Variants in ROBO1 observed in about 807,000 individuals in gnomAD.
The protein encoded by ROBO1 is roundabout homolog 1.
In ROBO1, 149 loss-of-function variants were observed where a neutral mutation model predicts 195.9. The ratio of observed to expected loss-of-function variants is 0.76; its 90% CI spans 0.67 to 0.87. ROBO1 has a LOEUF of 0.87. Among genes scored for constraint, ROBO1 ranks in the 40% least tolerant of loss-of-function variants. ROBO1 has a pLI of 0.00. For missense variants in ROBO1, 1,933 were observed against 2,068.3 expected (o/e 0.93, Z 1.27); for synonymous variants, 816 against 733.2 (o/e 1.11, Z -1.82).
chr3:79,599,539 G>A (rs554297550), intron 1 of ROBO1, among the ~76,000 whole-genome samples: 1 of 152,030 alleles, frequency 6.6e-6, no homozygotes, highest in African/African-American at 2.4e-5. Context: ...ATAAACACTA[G>A]TTTCTCTAGT....
At chr3:78,841,147 C>T (rs1213743463) in intron 4 of ROBO1, among the ~76,000 whole-genome samples, 1 of 151,212 alleles carries the variant, frequency 6.6e-6, no homozygotes, top group Non-Finnish European at 1.5e-5. Context: ...AAATAATATA[C>T]ACTAATAACA....
rs574871230 is a variant in ROBO1, at chr3:79,743,436, T to C, written c.-51+24316A>G. On this transcript the variant is annotated intron_variant, in intron 1 of 30. Coordinates refer to ENST00000464233, the MANE Select transcript of ROBO1 (RefSeq NM_002941.4). ...TGGAGTTACAAGACTGAATTTGCTC[T>C]GAATGAGCCAGTGAGTGACTGGTGA... Among the ~76,000 whole-genome samples the C allele has an allele frequency of 2.6e-5, 4 of 152,332 alleles. No individual in the cohort carries two copies. The East Asian group carries it at 7.7e-4, about 29-fold the overall frequency.
At chr3:79,120,525 A>C (rs577196307) in intron 3 of ROBO1, among the ~76,000 whole-genome samples, 57 of 152,274 alleles carry the variant, frequency 3.7e-4, no homozygotes, top group African/African-American at 1.3e-3. Context: ...GCTTCTTTTA[A>C]TTAGTGAAGA....
intron 2 of ROBO1, among the ~76,000 whole-genome samples, chr3:79,404,980 T>C (rs762313138): frequency 6.6e-6 from 1 of 152,052 alleles, no homozygotes; most frequent in Non-Finnish European, 1.5e-5. Context: ...AAAATAATGG[T>C]TTTTAATATA....
At chr3:78,902,017 A>G (rs2037621562) in intron 4 of ROBO1, among the ~76,000 whole-genome samples, 1 of 152,154 alleles carries the variant, frequency 6.6e-6, no homozygotes, top group African/African-American at 2.4e-5. Flanking sequence ...ATCCATCTCA[A>G]CCTCTGGAGT....
intron 1 of ROBO1, among the ~76,000 whole-genome samples, chr3:79,760,331 A>G (rs1284995924): frequency 1.3e-5 from 2 of 148,410 alleles, no homozygotes; most frequent in South Asian, 4.3e-4. Context: ...CACCATAAAG[A>G]TTGGTTTCCC....
chr3:79,703,563 A>G (rs62257289), intron 1 of ROBO1, among the ~76,000 whole-genome samples: 2,080 of 152,078 alleles, frequency 0.014, 32 homozygotes, highest in Non-Finnish European at 0.019. Flanking sequence ...ACAATTCATT[A>G]CAATAAAAAT....
intron 1 of ROBO1, among the ~76,000 whole-genome samples, chr3:79,731,867 G>GT (rs1375663623): frequency 4.6e-5 from 7 of 151,918 alleles, no homozygotes; most frequent in Middle Eastern, 3.2e-3. Context: ...GGTGAAATAA[G>GT]TTTTTTTTAT....
chr3:79,263,923 CCTT>C (rs1207460065), intron 2 of ROBO1, among the ~76,000 whole-genome samples: 3 of 152,038 alleles, frequency 2.0e-5, no homozygotes, highest in African/African-American at 4.8e-5. Flanking sequence ...TTCTTTGACT[CCTT>C]CTATCCGATT....
In ROBO1 at chr3:78,635,935, T is replaced by C; in HGVS notation, c.3211A>G (p.Thr1071Ala). Reference sequence around the variant, plus strand: ...ATGAGCTGAGTGGTGGCGTAAGGAGTAGGCTGCCCTGATGGATTGACAAAA... The same window carrying C: ...ATGAGCTGAGTGGTGGCGTAAGGAGCAGGCTGCCCTGATGGATTGACAAAA... ...GRFVNPSGQP[T>A]PYATTQLIQS... The change falls in exon 23 of 31, where the codon ACT becomes GCT. Residue 1071 changes from threonine (T) to alanine (A), a missense_variant. Thr to Ala is a moderately conservative substitution (Grantham distance 58). This residue lies in a region of ROBO1 where 1,737 missense variants were observed against 1,882.5 expected (regional missense o/e 0.92). Transcript: ENST00000464233. 1 of 1,613,852 alleles carries C rather than the reference T, an allele frequency of 6.2e-7. No individual in the cohort carries two copies. The highest frequency in any genetic ancestry group is 8.5e-7 in the Non-Finnish European group (1 of 1,179,834).
At chr3:78,666,867 A>G (rs1385484119) in intron 14 of ROBO1, among the ~76,000 whole-genome samples, 2 of 152,188 alleles carry the variant, frequency 1.3e-5, no homozygotes, top group African/African-American at 4.8e-5. Flanking sequence ...TTTCTATTAA[A>G]ATAACCAAGT....
intron 2 of ROBO1, among the ~76,000 whole-genome samples, chr3:79,262,834 C>A (rs1185344364): frequency 6.6e-6 from 1 of 152,018 alleles, no homozygotes; most frequent in Non-Finnish European, 1.5e-5. Context: ...TGTGCTCATA[C>A]AAATTTCATT....
chr3:78,958,744 C>A (rs1441949305), intron 3 of ROBO1, among the ~76,000 whole-genome samples: 2 of 151,994 alleles, frequency 1.3e-5, no homozygotes, highest in Non-Finnish European at 2.9e-5. Context: ...TAACCAGGAT[C>A]ATCCCAGTTT....
chr3:78,948,752 T>C (rs577776532), intron 3 of ROBO1, among the ~76,000 whole-genome samples: 2 of 152,340 alleles, frequency 1.3e-5, no homozygotes, highest in East Asian at 1.9e-4. Context: ...CATGATTGTA[T>C]ATCTAGAAAA....
intron 2 of ROBO1, among the ~76,000 whole-genome samples, chr3:79,529,670 A>G (rs1010965907): frequency 6.6e-6 from 1 of 152,142 alleles, no homozygotes. Context: ...GGAATAAGGG[A>G]CGATTCACAA....
intron 5 of ROBO1, among the ~76,000 whole-genome samples, chr3:78,726,855 C>T (rs183800914): frequency 4.3e-4 from 66 of 152,204 alleles, no homozygotes; most frequent in African/African-American, 1.4e-3. Flanking sequence ...ACAACAATAA[C>T]GGCTTTTCTT....
intron 3 of ROBO1, among the ~76,000 whole-genome samples, chr3:78,948,025 T>A (rs1334314123): frequency 2.0e-5 from 3 of 152,148 alleles, no homozygotes; most frequent in Non-Finnish European, 4.4e-5. Context: ...ATTGAGGCAA[T>A]AATCAATAGC....
chr3:79,090,221 A>G (rs1332445839), intron 3 of ROBO1, among the ~76,000 whole-genome samples: 1 of 152,092 alleles, frequency 6.6e-6, no homozygotes, highest in Non-Finnish European at 1.5e-5. Context: ...TACAGGCATG[A>G]GCCACCGCTC....
At chr3:78,732,661 C>T (rs1249477249) in intron 5 of ROBO1, among the ~76,000 whole-genome samples, 3 of 151,942 alleles carry the variant, frequency 2.0e-5, no homozygotes, top group Non-Finnish European at 2.9e-5. Context: ...TGTCATATAT[C>T]GAGGTGAGAG....
Sources: gnomAD v4.1 joint callset for allele counts (sites outside exome capture counted in the v4.1 genomes callset) on GRCh38, gnomAD v4.1.1 for gene constraint, gnomAD v4.1.1 regional missense constraint, MANE v1.5 for transcripts, NCBI Gene and HGNC (gene_info 2026-07-23, HGNC 2026-07-21) for gene names.